NTM: variants seen among roughly 807,000 people sequenced by gnomAD.
NTM encodes the protein IgLON family member 2.
Under a neutral mutation model 42.1 loss-of-function variants are expected in NTM, and 13 were observed. That is an observed-to-expected ratio of 0.31 (90% CI 0.20 to 0.49). The LOEUF (loss-of-function observed/expected upper bound fraction) is 0.49. NTM is among the 20% of genes least tolerant of loss of function. The probability of loss-of-function intolerance (pLI) is 0.99; values close to 1 mark genes in which losing one functional copy is unlikely to be tolerated. For missense variants in NTM, 373 were observed against 452.8 expected, an observed-to-expected ratio of 0.82 and a Z score of 1.60; for synonymous variants, 187 against 179.2, an observed-to-expected ratio of 1.04 and a Z score of -0.35.
intron 1 of NTM, among the ~76,000 whole-genome samples, chr11:131,890,991 G>A (rs1016868556): frequency 8.5e-5 from 13 of 152,194 alleles, no homozygotes; most frequent in Non-Finnish European, 1.5e-4. Context: ...AGCCTAGCGA[G>A]AGGAGAATGT....
At position 131,616,350 on chromosome 11, in the gene NTM, T is replaced by C. The variant is rs570443174; in HGVS notation, c.82+245462T>C. ...TTGGAGGACAGAGGAAAAAGAAACA[T>C]TTATCAAACTGGAGAGTGGGAAATG... is the stretch of plus-strand genomic sequence containing the variant. On this transcript the variant is annotated intron_variant, in intron 1 of 8. Transcript: ENST00000683400. 2.1e-3 allele frequency among the ~76,000 whole-genome samples: 321 copies of C among 152,184 alleles called. 3 individuals carry two copies. The highest frequency in any genetic ancestry group is 7.5e-3 in the African/African-American group (310 of 41,518).
chr11:131,978,967 G>T (rs2064830218), intron 2 of NTM, among the ~76,000 whole-genome samples: 1 of 151,992 alleles, frequency 6.6e-6, no homozygotes, highest in Non-Finnish European at 1.5e-5. Context: ...CTCTTGTCTG[G>T]GTTCCAGTCT....
At chr11:131,478,083 A>C (rs1953143113) in intron 1 of NTM, among the ~76,000 whole-genome samples, 1 of 152,136 alleles carries the variant, frequency 6.6e-6, no homozygotes, top group Admixed American at 6.5e-5. Flanking sequence ...AAATTCAATC[A>C]GATCACTCCC....
chr11:131,411,275 T>C (rs889265825), intron 1 of NTM, among the ~76,000 whole-genome samples: 6 of 152,204 alleles, frequency 3.9e-5, no homozygotes, highest in Non-Finnish European at 1.5e-5. Flanking sequence ...TTTATATGGA[T>C]AATTTTAACC....
At chr11:131,743,247 A>G (rs963998158) in intron 1 of NTM, among the ~76,000 whole-genome samples, 3 of 151,376 alleles carry the variant, frequency 2.0e-5, no homozygotes, top group Non-Finnish European at 4.4e-5. Context: ...TTTTTTTTCA[A>G]ATTTTAGAGA....
chr11:131,653,746 C>A (rs942562240), intron 1 of NTM, among the ~76,000 whole-genome samples: 2 of 152,148 alleles, frequency 1.3e-5, no homozygotes, highest in African/African-American at 4.8e-5. Context: ...ACCAAAGCAC[C>A]CCCTCAGAGG....
At chr11:131,789,349 A>T (rs976489320) in intron 1 of NTM, among the ~76,000 whole-genome samples, 5 of 112,806 alleles carry the variant, frequency 4.4e-5, no homozygotes, top group South Asian at 2.8e-4. Context: ...GTGAATTTAA[A>T]AATAATAATA....
chr11:132,321,548 CTGAT>C (rs1263312089), intron 7 of NTM, among the ~76,000 whole-genome samples: 1 of 152,172 alleles, frequency 6.6e-6, no homozygotes, highest in African/African-American at 2.4e-5. Context: ...AAATCTACCT[CTGAT>C]TGGTGTACCT....
intron 1 of NTM, among the ~76,000 whole-genome samples, chr11:131,833,533 C>T (rs533739025): frequency 6.6e-6 from 1 of 152,306 alleles, no homozygotes; most frequent in African/African-American, 2.4e-5. Flanking sequence ...TGGGGGAAGC[C>T]ACCTCAGGAG....
intron 1 of NTM, among the ~76,000 whole-genome samples, chr11:131,704,508 G>T (rs904510383): frequency 6.6e-6 from 1 of 152,168 alleles, no homozygotes. Context: ...AAGGCAATAA[G>T]TAAAAACTGG....
intron 2 of NTM, among the ~76,000 whole-genome samples, chr11:132,114,055 C>T (rs992497775): frequency 6.6e-6 from 1 of 152,116 alleles, no homozygotes; most frequent in South Asian, 2.1e-4. Flanking sequence ...TCATCATCAA[C>T]AAATTTTTCT....
At chr11:131,659,818 G>T (rs1162641885) in intron 1 of NTM, among the ~76,000 whole-genome samples, 1 of 152,186 alleles carries the variant, frequency 6.6e-6, no homozygotes, top group African/African-American at 2.4e-5. Flanking sequence ...TCTCTCCAGG[G>T]CTTAGCTCTG....
chr11:132,010,394 A>C (rs977988783), intron 2 of NTM, among the ~76,000 whole-genome samples: 3 of 152,152 alleles, frequency 2.0e-5, no homozygotes, highest in Non-Finnish European at 4.4e-5. Context: ...TACAGTCTAA[A>C]GGTCAGTCCC....
rs190946947 is a variant in NTM at position 131,582,361 on chromosome 11, C to T, written c.82+211473C>T. 12 of 152,328 alleles carry T rather than the reference C, an allele frequency of 7.9e-5. No homozygotes were observed. The East Asian group carries it at 2.1e-3, about 27-fold the overall frequency. The allele number at this position is 152,328 out of a possible 1,614,324, so 9.4% of individuals were successfully genotyped here. A position where few individuals can be genotyped will look rare whatever the true frequency, so the allele number is the denominator to read the frequency against. ...TCCTGCTCGTCAGCTGGGCCCTCCCCCTTCCAGAAAGCTAACTGTATGTAA... is the reference window on the plus strand; with the variant it reads ...TCCTGCTCGTCAGCTGGGCCCTCCCTCTTCCAGAAAGCTAACTGTATGTAA... On this transcript the variant is annotated intron_variant, in intron 1 of 8. Coordinates refer to ENST00000683400, the MANE Select transcript of NTM (RefSeq NM_001352005.2).
chr11:131,491,989 T>G (rs1954850882), intron 1 of NTM, among the ~76,000 whole-genome samples: 1 of 152,206 alleles, frequency 6.6e-6, no homozygotes, highest in African/African-American at 2.4e-5. Flanking sequence ...CTAACAACTC[T>G]GCAAGGCAGT....
At chr11:131,608,715 C>T (rs1033915132) in intron 1 of NTM, among the ~76,000 whole-genome samples, 10 of 152,216 alleles carry the variant, frequency 6.6e-5, no homozygotes, top group Admixed American at 1.3e-4. Context: ...TTTTACATCC[C>T]CTCTCTCTCT....
At chr11:131,716,186 G>A (rs789540) in intron 1 of NTM, among the ~76,000 whole-genome samples, 2 of 151,988 alleles carry the variant, frequency 1.3e-5, no homozygotes, top group South Asian at 2.1e-4. Context: ...GAACAAGTTC[G>A]CCTGGGCCTT....
At chr11:131,823,760 G>A (rs1187673425) in intron 1 of NTM, among the ~76,000 whole-genome samples, 1 of 152,154 alleles carries the variant, frequency 6.6e-6, no homozygotes, top group Admixed American at 6.6e-5. Flanking sequence ...AACACCTTTG[G>A]GTTAGAGCAG....
chr11:131,738,485 G>A (rs556012621), intron 1 of NTM, among the ~76,000 whole-genome samples: 1 of 152,306 alleles, frequency 6.6e-6, no homozygotes, highest in Non-Finnish European at 1.5e-5. Flanking sequence ...TGTGAAATAG[G>A]GCAGAACCAA....
Sources: allele counts gnomAD v4.1 joint callset (sites outside exome capture counted in the v4.1 genomes callset), GRCh38; gene constraint gnomAD v4.1.1; transcripts MANE v1.5; gene names NCBI Gene and HGNC (gene_info 2026-07-23, HGNC 2026-07-21).